Variants in MAGOH observed in about 807,000 individuals in gnomAD.
MAGOH encodes protein mago nashi homolog.
MAGOH carries 3 observed loss-of-function variants against 20.9 expected under a neutral mutation model. The observed-to-expected ratio is 0.14, with a 90% CI of 0.07 to 0.37. MAGOH has a LOEUF of 0.37. MAGOH is among the 10% of genes least tolerant of loss of function. MAGOH has a pLI of 1.00. For missense variants in MAGOH, 66 were observed against 178.1 expected (o/e 0.37, Z 3.58); for synonymous variants, 51 against 61.0 (o/e 0.84, Z 0.76).
chr1:53,234,664 G>A (rs564394007), intron 2 of MAGOH, among the ~76,000 whole-genome samples: 8 of 152,198 alleles, frequency 5.3e-5, no homozygotes, highest in South Asian at 4.2e-4. Flanking sequence ...GTGAGTCACC[G>A]CGCCCGGCCA....
At chr1:53,228,708 C>A (rs1229215175) in intron 4 of MAGOH, among the ~76,000 whole-genome samples, 164 bp downstream of exon 4, 2 of 152,148 alleles carry the variant, frequency 1.3e-5, no homozygotes, top group Admixed American at 6.5e-5. Flanking sequence ...GGAGCAAGTC[C>A]TCAAAAATAA....
intron 1 of MAGOH, among the ~76,000 whole-genome samples, chr1:53,236,745 T>C (rs1645612273): frequency 6.6e-6 from 1 of 152,140 alleles, no homozygotes; most frequent in Non-Finnish European, 1.5e-5. Context: ...TACAAATCTA[T>C]CTCCCTCACA....
intron 1 of MAGOH, among the ~76,000 whole-genome samples, chr1:53,235,946 C>A (rs974308597): frequency 6.6e-6 from 1 of 152,176 alleles, no homozygotes; most frequent in African/African-American, 2.4e-5. Context: ...TGAAAACAGG[C>A]CTAGTAACTG....
intron 3 of MAGOH, among the ~76,000 whole-genome samples, chr1:53,230,594 T>G (rs980652652): frequency 1.4e-5 from 2 of 140,086 alleles, no homozygotes; most frequent in African/African-American, 5.4e-5. Flanking sequence ...ATTTTTAGGG[T>G]TTTTTTTTTT....
intron 3 of MAGOH, among the ~76,000 whole-genome samples, chr1:53,232,761 C>T (rs1021261398): frequency 1.3e-5 from 2 of 152,142 alleles, no homozygotes; most frequent in African/African-American, 4.8e-5. Flanking sequence ...AGTGGGAAGC[C>T]ATTGGAGTTT....
At position 53,238,383 on chromosome 1, in the gene MAGOH, C is replaced by T; in HGVS notation, c.66G>A (p.Leu22=). Residue 22 remains leucine, a synonymous_variant, in exon 1 of 5, where the codon CTG becomes CTA. Transcript: ENST00000371470. ...TACCGTCCGGTCGAAACTCAAACTC[C>T]AGGAACTCGTGGCCGAACTTGCCCT... is the stretch of plus-strand genomic sequence containing the variant. ...GHKGKFGHEF[L]EFEFRPDGKL... The T allele has an allele frequency of 6.2e-7, 1 of 1,614,178 alleles. No homozygotes were observed. Among genetic ancestry groups the T allele is most frequent in the Non-Finnish European group, 8.5e-7 (1 of 1,179,984 alleles).
intron 4 of MAGOH, among the ~76,000 whole-genome samples, chr1:53,228,433 A>AAATAAT (rs922979859): frequency 2.6e-5 from 4 of 152,012 alleles, no homozygotes; most frequent in Admixed American, 6.6e-5. Context: ...CTCCATCTCA[A>AAATAAT]AATAATAATA....
At chr1:53,232,443 A>G (rs556089746) in intron 3 of MAGOH, among the ~76,000 whole-genome samples, 1 of 152,240 alleles carries the variant, frequency 6.6e-6, no homozygotes, top group Non-Finnish European at 1.5e-5. Flanking sequence ...ACTGAAAGCA[A>G]AAAGAAAAAA....
intron 2 of MAGOH, chr1:53,233,987 C>A: frequency 4.7e-6 from 1 of 213,604 alleles, no homozygotes; most frequent in South Asian, 7.8e-5. Flanking sequence ...TTTGTCTCCT[C>A]CAAAAAAATC....
At position 53,238,483 on chromosome 1, in the gene MAGOH, G is replaced by C; in HGVS notation, c.-35C>G. 5 of 1,592,900 alleles carry C rather than the reference G, an allele frequency of 3.1e-6. No individual in the cohort carries two copies. The highest frequency in any genetic ancestry group is 3.4e-6 in the Non-Finnish European group (4 of 1,160,804). On this transcript the variant is annotated 5_prime_UTR_variant, in exon 1 of 5. Transcript: ENST00000371470. ...AAGACAACCGAGCCTGAACTTCCAA[G>C]AGCAAGCCGCACTGCCGCCGTCTGC...
intron 2 of MAGOH, among the ~76,000 whole-genome samples, chr1:53,234,715 G>A (rs550051890): frequency 6.6e-6 from 1 of 152,176 alleles, no homozygotes; most frequent in African/African-American, 2.4e-5. Flanking sequence ...GGAGCAAAAT[G>A]TATTTTAAAA....
intron 3 of MAGOH, 76 bp from the exon 4 acceptor site, chr1:53,229,030 C>T: frequency 1.0e-6 from 1 of 994,112 alleles, no homozygotes; most frequent in South Asian, 1.3e-5. Flanking sequence ...TAATCATTTG[C>T]CAAATCACAC....
chr1:53,238,413 C>A lies in MAGOH; in HGVS notation c.36G>T (p.Gly12=). The A allele has an allele frequency of 6.2e-7, 1 of 1,614,098 alleles. No individual in the cohort carries two copies. Among genetic ancestry groups the A allele is most frequent in the Non-Finnish European group, 8.5e-7 (1 of 1,179,968 alleles). ...ACTCGTGGCCGAACTTGCCCTTGTG[C>A]CCCACGTAGTAACGCAGATAAAAGT... is the stretch of plus-strand genomic sequence containing the variant. The part of the protein sequence containing the change: ...ESDFYLRYYV[G]HKGKFGHEFL... The change falls in exon 1 of 5, where the codon GGG becomes GGT. Residue 12 remains glycine, a synonymous_variant. Coordinates refer to ENST00000371470, the MANE Select transcript of MAGOH (RefSeq NM_002370.4).
rs1231950502 is a variant in MAGOH, at chr1:53,237,673, C to CAAAAAAAAAA, written c.88+678_88+687dup. Among the ~76,000 whole-genome samples, 15 of 55,336 alleles carry CAAAAAAAAAA rather than the reference C, an allele frequency of 2.7e-4. 1 individual carries two copies. The highest frequency in any genetic ancestry group is 7.3e-4 in the South Asian group (1 of 1,366). The allele number at this position is 55,336 out of a possible 152,430, so 36.3% of individuals were successfully genotyped here. On this transcript the variant is annotated intron_variant, in intron 1 of 4. Coordinates refer to ENST00000371470, the MANE Select transcript of MAGOH (RefSeq NM_002370.4). The stretch of plus-strand genomic sequence containing the variant: ...TGGGCAAAAAGAGCGAAAGCCGTCT[C>CAAAAAAAAAA]AAAAAAAAAAAAAAAAAAAAGGCCT...
chr1:53,234,146 A>G (rs144075384), intron 2 of MAGOH, among the ~76,000 whole-genome samples: 1 of 152,284 alleles, frequency 6.6e-6, no homozygotes, highest in Non-Finnish European at 1.5e-5. Flanking sequence ...TTCTTTCACC[A>G]TATGAGGACA....
chr1:53,237,624 A>G (rs551397267), intron 1 of MAGOH, among the ~76,000 whole-genome samples: 1 of 143,896 alleles, frequency 6.9e-6, no homozygotes, highest in Non-Finnish European at 1.5e-5. Context: ...CAATAAGCCG[A>G]GATCGCGCCA....
chr1:53,231,506 T>C (rs967357719), intron 3 of MAGOH, among the ~76,000 whole-genome samples: 1 of 152,352 alleles, frequency 6.6e-6, no homozygotes, highest in African/African-American at 2.4e-5. Context: ...GGCCTAATTT[T>C]AAAAATATTC....
intron 4 of MAGOH, 34 bp downstream of exon 4, chr1:53,228,838 G>C: frequency 6.7e-7 from 1 of 1,490,772 alleles, no homozygotes; most frequent in Non-Finnish European, 9.4e-7. Flanking sequence ...CTCCAAAACA[G>C]ACACAACTGG....
Position 53,226,940 on chromosome 1 carries a change from A to G in MAGOH, c.*105T>C, listed in dbSNP as rs527423382. 7 of 639,364 alleles carry G rather than the reference A, an allele frequency of 1.1e-5. No individual in the cohort carries two copies. Among genetic ancestry groups the G allele is most frequent in the South Asian group, 6.0e-5 (3 of 49,806 alleles). The allele number at this position is 639,364 out of a possible 1,614,324, so 39.6% of individuals were successfully genotyped here. A position where few individuals can be genotyped will look rare whatever the true frequency, so the allele number is the denominator to read the frequency against. ...AATAATAAAAATTGGATTTTATCAC[A>G]TATTTATTAAAGACAATCATTTATA... On this transcript the variant is annotated 3_prime_UTR_variant, in exon 5 of 5. Transcript: ENST00000371470.
Sources: gnomAD v4.1 joint callset for allele counts (sites outside exome capture counted in the v4.1 genomes callset) on GRCh38, gnomAD v4.1.1 for gene constraint, MANE v1.5 for transcripts, NCBI Gene and HGNC (gene_info 2026-07-23, HGNC 2026-07-21) for gene names.